Variants in PCDHGB4 observed in about 807,000 individuals in gnomAD.
The protein encoded by PCDHGB4 is protocadherin gamma-B4.
A neutral mutation model predicts 60.5 loss-of-function variants in PCDHGB4; 38 were observed. That is an observed-to-expected ratio of 0.63 (90% CI 0.48 to 0.82). The LOEUF is 0.82. PCDHGB4 is among the 40% of genes least tolerant of loss of function. The probability of loss-of-function intolerance (pLI) is 0.00; values close to 1 mark genes in which losing one functional copy is unlikely to be tolerated. For missense variants in PCDHGB4, 1,109 were observed against 1,209.6 expected, an observed-to-expected ratio of 0.92 and a Z score of 1.23; for synonymous variants, 456 against 509.7, an observed-to-expected ratio of 0.89 and a Z score of 1.42.
chr5:141,423,035 C>T (rs1220219512), intron 1 of PCDHGB4: 2 of 1,614,214 alleles, frequency 1.2e-6, no homozygotes, highest in Admixed American at 3.3e-5. Flanking sequence ...GGCCAGAACG[C>T]CTGGCTGTCC....
At chr5:141,457,560 G>A (rs1466753974) in intron 1 of PCDHGB4, among the ~76,000 whole-genome samples, 1 of 152,162 alleles carries the variant, frequency 6.6e-6, no homozygotes, top group African/African-American at 2.4e-5. Flanking sequence ...ATAAGCTTTG[G>A]AGCAAAATTT....
intron 2 of PCDHGB4, among the ~76,000 whole-genome samples, chr5:141,502,358 TA>T (rs1283802909): frequency 6.6e-6 from 1 of 152,134 alleles, no homozygotes; most frequent in African/African-American, 2.4e-5. Context: ...ATGACATGGA[TA>T]TTTTTAAAGA....
At position 141,511,436 on chromosome 5, in the gene PCDHGB4, T is replaced by C. The variant is rs1371734719; in HGVS notation, c.*263T>C. The C allele has an allele frequency of 1.5e-5, 11 of 718,486 alleles. No individual in the cohort carries two copies. The highest frequency in any genetic ancestry group is 2.2e-5 in the Non-Finnish European group (10 of 461,474). The allele number at this position is 718,486 out of a possible 1,614,324, so 44.5% of individuals were successfully genotyped here. The stretch of plus-strand genomic sequence containing the variant: ...ACCCATGGGGGTAGTGGGGTTACTG[T>C]AGACACCAAGAACCATTTGCCACAC... On this transcript the variant is annotated 3_prime_UTR_variant, in exon 4 of 4. Coordinates refer to ENST00000519479, the MANE Select transcript of PCDHGB4 (RefSeq NM_003736.4).
chr5:141,438,591 CATATATATATATATAT>C (rs946798767), intron 1 of PCDHGB4, among the ~76,000 whole-genome samples: 4 of 75,562 alleles, frequency 5.3e-5, no homozygotes, highest in East Asian at 3.5e-4. Context: ...TACATACATA[CATATATATATATATAT>C]ATATATATAT....
chr5:141,407,616 C>T (rs752226894), intron 1 of PCDHGB4, among the ~76,000 whole-genome samples: 3 of 151,970 alleles, frequency 2.0e-5, no homozygotes, highest in Non-Finnish European at 4.4e-5. Flanking sequence ...CATTGGTTGA[C>T]ATTCTATATC....
Position 141,389,871 on chromosome 5 carries a change from G to A in PCDHGB4, c.1987G>A (p.Ala663Thr), listed in dbSNP as rs199638280. The A allele has an allele frequency of 4.5e-5, 73 of 1,613,938 alleles. No homozygotes were observed. Among genetic ancestry groups the A allele is most frequent in the Non-Finnish European group, 5.8e-5 (68 of 1,179,912 alleles). ...CACTGCCACGTTGCACCTGGTCTTC[G>A]CCGACAGCTTGCAGGAGGTGCTGCC... ...SATATLHLVF[A>T]DSLQEVLPDI... The change falls in exon 1 of 4, where the codon GCC becomes ACC. Residue 663 changes from alanine to threonine, a missense_variant. Coordinates refer to ENST00000519479, the MANE Select transcript of PCDHGB4 (RefSeq NM_003736.4).
chr5:141,409,850 G>A lies in PCDHGB4; in HGVS notation c.2397+19569G>A. ...GCTCAGCGCCAACGTGAGCCTGCGC[G>A]TGTTGGTGGGAGACCGCAATGACAA... On this transcript the variant is annotated intron_variant, in intron 1 of 3. Transcript: ENST00000519479. 6.2e-7 allele frequency: 1 copy of A among 1,612,142 alleles called. No individual in the cohort carries two copies. Among genetic ancestry groups the A allele is most frequent in the African/African-American group, 1.3e-5 (1 of 75,014 alleles).
chr5:141,486,456 C>G lies in PCDHGB4; in HGVS notation c.2398-8351C>G. ...AGCTATGACATCATGGTCACTGCTT[C>G]TGATGCTGGGAACCCTCCTCTCAGT... is the stretch of plus-strand genomic sequence containing the variant. On this transcript the variant is annotated intron_variant, in intron 1 of 3. Transcript: ENST00000519479. The surrounding 1 kb of genome is among the most constrained non-coding windows in gnomAD (Gnocchi z 5.0). The G allele has an allele frequency of 1.9e-6, 3 of 1,614,052 alleles. No homozygotes were observed. In the South Asian group the frequency reaches 3.3e-5, roughly 18 times the overall value.
At chr5:141,408,579 T>G in intron 1 of PCDHGB4, 1 of 1,614,026 alleles carries the variant, frequency 6.2e-7, no homozygotes, top group Non-Finnish European at 8.5e-7. Flanking sequence ...ATTGAGGATG[T>G]TAATGACCAC....
At position 141,486,182 on chromosome 5, in the gene PCDHGB4, C is replaced by G. The variant is rs1288782056; in HGVS notation, c.2398-8625C>G. On this transcript the variant is annotated intron_variant, in intron 1 of 3. Transcript: ENST00000519479. This position sits in a 1 kb window ranked among gnomAD's most constrained non-coding sequence, Gnocchi z 5.0. ...AGCCATGGAGCAACATTGCAGCCTT[C>G]GAGTGGATCTGCTGGACGTAAATGA... 1 of 1,614,198 alleles carries G rather than the reference C, an allele frequency of 6.2e-7. No individual in the cohort carries two copies. Among genetic ancestry groups the G allele is most frequent in the Non-Finnish European group, 8.5e-7 (1 of 1,180,028 alleles).
intron 1 of PCDHGB4, among the ~76,000 whole-genome samples, chr5:141,474,061 T>A (rs2099339173): frequency 1.3e-5 from 2 of 152,058 alleles, no homozygotes; most frequent in Admixed American, 6.6e-5. Flanking sequence ...CAGAGCGAGA[T>A]CCTGCCTCAG....
rs148675327 is a variant in PCDHGB4 at position 141,477,019 on chromosome 5, C to A, written c.2398-17788C>A. On this transcript the variant is annotated intron_variant, in intron 1 of 3. Coordinates refer to ENST00000519479, the MANE Select transcript of PCDHGB4 (RefSeq NM_003736.4). The surrounding 1 kb of genome is among the most constrained non-coding windows in gnomAD (Gnocchi z 4.9). ...AACTATTCGCCTTAGACCTTGTAAC[C>A]GGGATGCTGACAATCAAGGGTCGGC... The A allele has an allele frequency of 1.7e-5, 28 of 1,614,124 alleles. No individual in the cohort carries two copies. The African/African-American group carries it at 2.5e-4, about 15-fold the overall frequency.
At position 141,509,907 on chromosome 5, in the gene PCDHGB4, C is replaced by G. The variant is rs149338646; in HGVS notation, c.2546-1040C>G. Among the ~76,000 whole-genome samples, 567 of 152,300 alleles carry G rather than the reference C, an allele frequency of 3.7e-3. 5 individuals carry two copies. Among genetic ancestry groups the G allele is most frequent in the Admixed American group, 0.011 (163 of 15,296 alleles). ...GTGACTGACTGTCCCTTCCAGCATGCGCTTAGGTACACTTGGGCCTGAATG... is the reference window on the plus strand; with the variant it reads ...GTGACTGACTGTCCCTTCCAGCATGGGCTTAGGTACACTTGGGCCTGAATG... On this transcript the variant is annotated intron_variant, in intron 3 of 3. Coordinates refer to ENST00000519479, the MANE Select transcript of PCDHGB4 (RefSeq NM_003736.4).
rs746642302 is a variant in PCDHGB4, at chr5:141,491,107, A to G, written c.2398-3700A>G. The stretch of plus-strand genomic sequence containing the variant: ...AGCCCCAGGACTGTTCCTCGTGTCT[A>G]CACACACTGGTGAGGTGCGCACAGC... On this transcript the variant is annotated intron_variant, in intron 1 of 3. Coordinates refer to ENST00000519479, the MANE Select transcript of PCDHGB4 (RefSeq NM_003736.4). The surrounding 1 kb of genome is among the most constrained non-coding windows in gnomAD (Gnocchi z 6.9). 2.5e-6 allele frequency: 4 copies of G among 1,614,148 alleles called. No homozygotes were observed. Among genetic ancestry groups the G allele is most frequent in the Non-Finnish European group, 2.5e-6 (3 of 1,180,014 alleles).
At chr5:141,426,680 T>TC in intron 1 of PCDHGB4, 1 of 431,452 alleles carries the variant, frequency 2.3e-6, no homozygotes, top group South Asian at 1.6e-5. Context: ...CACCTCATTT[T>TC]CCCCAAAATA....
intron 1 of PCDHGB4, among the ~76,000 whole-genome samples, chr5:141,469,951 T>C (rs1467717372): frequency 6.6e-6 from 1 of 152,034 alleles, no homozygotes; most frequent in African/African-American, 2.4e-5. Flanking sequence ...GCCAGCATGG[T>C]GAAACCCCAT....
In PCDHGB4 at chr5:141,476,208, C is replaced by A. The variant is rs1266601125; in HGVS notation, c.2398-18599C>A. 1.2e-6 allele frequency: 2 copies of A among 1,613,912 alleles called. No homozygotes were observed. Among genetic ancestry groups the A allele is most frequent in the East Asian group, 4.5e-5 (2 of 44,826 alleles). On this transcript the variant is annotated intron_variant, in intron 1 of 3. Coordinates refer to ENST00000519479, the MANE Select transcript of PCDHGB4 (RefSeq NM_003736.4). The surrounding 1 kb of genome is among the most constrained non-coding windows in gnomAD (Gnocchi z 7.6). ...CTTGGTGCCTTGAACAAGGCTTCCA[C>A]GGTCATTCACTATGAGATCCCGGAG...
intron 2 of PCDHGB4, among the ~76,000 whole-genome samples, chr5:141,501,620 T>G (rs1393018933): frequency 6.6e-6 from 1 of 152,090 alleles, no homozygotes; most frequent in Non-Finnish European, 1.5e-5. Context: ...GACTCTGGTA[T>G]AGTCTCTCAA....
chr5:141,510,959 G>A lies in PCDHGB4; in HGVS notation c.2558G>A (p.Gly853Glu). 6.2e-7 allele frequency: 1 copy of A among 1,614,110 alleles called. No individual in the cohort carries two copies. Among genetic ancestry groups the A allele is most frequent in the Non-Finnish European group, 8.5e-7 (1 of 1,180,012 alleles). Residue 853 changes from glycine to glutamate, a missense_variant, in exon 4 of 4, where the codon GGG becomes GAG. Coordinates refer to ENST00000519479, the MANE Select transcript of PCDHGB4 (RefSeq NM_003736.4). ...TCTGTCTCTGCAGAAGCTGCTGATG[G>A]GAGCTCCACCCTGGGAGGGGGTGCC... ...ILASASEAADGSSTLGGGAGT... is the reference protein window; with the variant it reads ...ILASASEAADESSTLGGGAGT...
Sources: allele counts gnomAD v4.1 joint callset (sites outside exome capture counted in the v4.1 genomes callset), GRCh38; gene constraint gnomAD v4.1.1; non-coding constraint Gnocchi (gnomAD v3.1); transcripts MANE v1.5; gene names NCBI Gene and HGNC (gene_info 2026-07-23, HGNC 2026-07-21).